STK10: variants seen among roughly 807,000 people sequenced by gnomAD.
STK10 encodes the protein serine/threonine kinase 10.
Under a neutral mutation model 113.8 loss-of-function variants are expected in STK10, and 78 were observed. The observed-to-expected ratio is 0.69, with a 90% CI of 0.57 to 0.83. STK10 has a LOEUF of 0.83. Among genes scored for constraint, STK10 ranks in the 40% least tolerant of loss-of-function variants. The pLI is 0.00. For synonymous variants in STK10, 465 were observed against 494.7 expected (o/e 0.94, Z 0.80); for missense variants, 1,109 against 1,280.1 (o/e 0.87, Z 2.04).
In STK10 at chr5:172,107,633, G is replaced by T; in HGVS notation, c.593+147C>A. The T allele has an allele frequency of 4.8e-6, 3 of 623,424 alleles. No homozygotes were observed. The East Asian group carries it at 8.8e-5, about 18-fold the overall frequency. 38.6% of individuals were successfully genotyped at this position (623,424 alleles called of 1,614,324 possible). A position where few individuals can be genotyped will look rare whatever the true frequency, so the allele number is the denominator to read the frequency against. ...AACTGACGCACGGGAAAGCTAAACAGCTTGTCCAAGGTCACACAGCTAGTA... is the reference window on the plus strand; with the variant it reads ...AACTGACGCACGGGAAAGCTAAACATCTTGTCCAAGGTCACACAGCTAGTA... On this transcript the variant is annotated intron_variant, in intron 5 of 18. Coordinates refer to ENST00000176763, the MANE Select transcript of STK10 (RefSeq NM_005990.4).
At chr5:172,136,237 C>A (rs1294162328) in intron 2 of STK10, among the ~76,000 whole-genome samples, 1 of 152,072 alleles carries the variant, frequency 6.6e-6, no homozygotes, top group African/African-American at 2.4e-5. Flanking sequence ...CCTGGCAAGC[C>A]TGGATCATGA....
At chr5:172,130,791 T>C (rs569381272) in intron 2 of STK10, among the ~76,000 whole-genome samples, 2 of 152,192 alleles carry the variant, frequency 1.3e-5, no homozygotes, top group Admixed American at 1.3e-4. Flanking sequence ...ATTCCTTACA[T>C]GAAAGAACAG....
chr5:172,172,547 A>T lies in STK10; in HGVS notation c.156+15340T>A, dbSNP rs571598795. On this transcript the variant is annotated intron_variant, in intron 1 of 18. Transcript: ENST00000176763. ...GCAGGTGTAAAGATGCCTATGTCCC[A>T]CTGTGAGAGGCACTATTGTCCCTAT... Among the ~76,000 whole-genome samples, 6 of 152,308 alleles carry T rather than the reference A, an allele frequency of 3.9e-5. No individual in the cohort carries two copies. In the South Asian group the frequency reaches 1.2e-3, roughly 32 times the overall value.
At chr5:172,132,119 T>C (rs754500126) in intron 2 of STK10, among the ~76,000 whole-genome samples, 1 of 152,192 alleles carries the variant, frequency 6.6e-6, no homozygotes, top group African/African-American at 2.4e-5. Context: ...TATTCTGTTA[T>C]AGCAGCATAA....
At chr5:172,107,727 T>C (rs1214604845) in intron 5 of STK10, 53 bp downstream of exon 5, 51 of 1,585,462 alleles carry the variant, frequency 3.2e-5, no homozygotes, top group Non-Finnish European at 4.2e-5. Flanking sequence ...GGTGGTCACC[T>C]TGGAGAGTTT....
chr5:172,156,825 C>T, intron 1 of STK10, 37 bp from the exon 2 acceptor site: 2 of 1,592,312 alleles, frequency 1.3e-6, no homozygotes, highest in Non-Finnish European at 1.7e-6. Context: ...ACAAGGCATG[C>T]TCCGCAGGAA....
chr5:172,137,118 A>C (rs1365912870), intron 2 of STK10, among the ~76,000 whole-genome samples: 1 of 152,132 alleles, frequency 6.6e-6, no homozygotes, highest in Non-Finnish European at 1.5e-5. Context: ...TAAGGACATC[A>C]GGACAGTTCC....
At position 172,188,013 on chromosome 5, in the gene STK10, C is replaced by T. The variant is rs1770991030; in HGVS notation, c.30G>A (p.Leu10=). Residue 10 remains leucine (L), a synonymous_variant, in exon 1 of 19, where the codon CTG becomes CTA. Coordinates refer to ENST00000176763, the MANE Select transcript of STK10 (RefSeq NM_005990.4). This position sits in a 1 kb window ranked among gnomAD's most constrained non-coding sequence, Gnocchi z 5.6. The stretch of plus-strand genomic sequence containing the variant: ...TTCTCTTCTCGAAGGTAGACAGGCG[C>T]AGGATGCGGCGGAAATTGGCAAAAG... The part of the protein sequence containing the change: MAFANFRRI[L]RLSTFEKRKS... 2 of 1,613,054 alleles carry T rather than the reference C, an allele frequency of 1.2e-6. No individual in the cohort carries two copies. The highest frequency in any genetic ancestry group is 1.7e-5 in the Admixed American group (1 of 59,988).
chr5:172,117,367 C>A, intron 4 of STK10, 114 bp downstream of exon 4: 2 of 1,229,848 alleles, frequency 1.6e-6, no homozygotes, highest in South Asian at 1.4e-5. Context: ...AGGGCGTAGG[C>A]GTGAGGACCC....
rs376344443 is a variant in STK10 at position 172,127,187 on chromosome 5, G to A, written c.370+186C>T. Among the ~76,000 whole-genome samples the A allele has an allele frequency of 1.0e-3, 157 of 152,028 alleles. 1 individual carries two copies. The highest frequency in any genetic ancestry group is 3.7e-3 in the African/African-American group (154 of 41,470). ...ACTCTGTCTCAAAAAGAGAAAGAAA[G>A]AAAAAAAGAACCCACACCCTGCTCC... On this transcript the variant is annotated intron_variant, in intron 3 of 18. Coordinates refer to ENST00000176763, the MANE Select transcript of STK10 (RefSeq NM_005990.4).
At chr5:172,169,844 G>A (rs1770633715) in intron 1 of STK10, among the ~76,000 whole-genome samples, 1 of 152,160 alleles carries the variant, frequency 6.6e-6, no homozygotes, top group African/African-American at 2.4e-5. Context: ...TGTGGAAACA[G>A]CGCAGGACCT....
chr5:172,048,445 A>ACACACACACACAC (rs1561786124), intron 18 of STK10, among the ~76,000 whole-genome samples: 2 of 151,702 alleles, frequency 1.3e-5, no homozygotes, highest in African/African-American at 4.9e-5. Flanking sequence ...ACACACACAC[A>ACACACACACACAC]CACACACATC....
chr5:172,059,917 A>G (rs1394764545), intron 14 of STK10, among the ~76,000 whole-genome samples: 2 of 152,138 alleles, frequency 1.3e-5, no homozygotes, highest in Non-Finnish European at 2.9e-5. Flanking sequence ...TGATATTGTC[A>G]TCCAAGGCCC....
intron 13 of STK10, among the ~76,000 whole-genome samples, chr5:172,063,967 G>C (rs916182535): frequency 6.6e-6 from 1 of 152,164 alleles, no homozygotes; most frequent in Non-Finnish European, 1.5e-5. Context: ...TGGGGAGGCC[G>C]GCCAGGGCAC....
intron 1 of STK10, among the ~76,000 whole-genome samples, chr5:172,183,330 A>G (rs1192326165): frequency 6.6e-6 from 1 of 152,194 alleles, no homozygotes; most frequent in East Asian, 1.9e-4. Context: ...CTATCACAGC[A>G]AGCACACCCG....
intron 1 of STK10, among the ~76,000 whole-genome samples, chr5:172,175,429 TC>T (rs1056739910): frequency 6.6e-6 from 1 of 152,034 alleles, no homozygotes; most frequent in Admixed American, 6.6e-5. Context: ...GCACTCACCC[TC>T]CCTGCTCTGC....
At chr5:172,132,538 G>A (rs994324350) in intron 2 of STK10, among the ~76,000 whole-genome samples, 5 of 152,030 alleles carry the variant, frequency 3.3e-5, no homozygotes, top group African/African-American at 1.2e-4. Context: ...GAAAGCTAAA[G>A]GCCTCTAAGC....
At chr5:172,132,091 A>G (rs563505950) in intron 2 of STK10, among the ~76,000 whole-genome samples, 3 of 152,348 alleles carry the variant, frequency 2.0e-5, no homozygotes, top group Admixed American at 2.0e-4. Context: ...TATTGTTTAC[A>G]AATTACCCAG....
intron 2 of STK10, among the ~76,000 whole-genome samples, chr5:172,142,113 G>A (rs904396188): frequency 2.0e-4 from 31 of 152,254 alleles, no homozygotes; most frequent in African/African-American, 5.5e-4. Flanking sequence ...CCTGCTAGGC[G>A]GGGATAAATG....
Sources: allele counts gnomAD v4.1 joint callset (sites outside exome capture counted in the v4.1 genomes callset), GRCh38; gene constraint gnomAD v4.1.1; non-coding constraint Gnocchi (gnomAD v3.1); transcripts MANE v1.5; gene names NCBI Gene and HGNC (gene_info 2026-07-23, HGNC 2026-07-21).